FHIT: variants seen among roughly 807,000 people sequenced by gnomAD.
FHIT encodes the protein bis(5'-adenosyl)-triphosphatase.
A neutral mutation model predicts 17.9 loss-of-function variants in FHIT; 19 were observed. The ratio of observed to expected loss-of-function variants is 1.06; its 90% CI spans 0.74 to 1.56. The LOEUF (loss-of-function observed/expected upper bound fraction) is 1.56, where lower values mean the gene tolerates loss of function less well. Ranked by LOEUF, FHIT falls within the 40% of genes most tolerant of loss-of-function variation. The pLI is 0.00. For missense variants in FHIT, 248 were observed against 189.2 expected, an observed-to-expected ratio of 1.31 and a Z score of -1.82; for synonymous variants, 81 against 69.7, an observed-to-expected ratio of 1.16 and a Z score of -0.81.
chr3:60,014,140 C>A lies in FHIT; in HGVS notation c.116G>T (p.Cys39Phe), dbSNP rs757050854. ...KPVVPGHVLV[C>F]PLRPVERFHD... ...GAAGCGCTCCACTGGCCGCAGCGGG[C>A]ACACAAGGACATCTGTAGCAAGGTC... Residue 39 changes from cysteine to phenylalanine, a missense_variant, in exon 6 of 10, where the codon TGC (cysteine) becomes TTC (phenylalanine). Coordinates refer to ENST00000492590, the MANE Select transcript of FHIT (RefSeq NM_002012.4). 1 of 1,614,020 alleles carries A rather than the reference C, an allele frequency of 6.2e-7. No homozygotes were observed. Among genetic ancestry groups the A allele is most frequent in the African/African-American group, 1.3e-5 (1 of 75,046 alleles).
intron 5 of FHIT, among the ~76,000 whole-genome samples, chr3:60,081,796 A>G (rs984573761): frequency 2.6e-5 from 4 of 152,240 alleles, no homozygotes; most frequent in African/African-American, 9.6e-5. Context: ...AGTGCCAGGA[A>G]TAACAGCCAT....
At position 60,388,112 on chromosome 3, in the gene FHIT, C is replaced by T. The variant is rs1014468898; in HGVS notation, c.103+148748G>A. ...TTGTACAGCTTGCAGAACAATGAGC[C>T]GAATAAACCCCTTTCTTATAAATTA... On this transcript the variant is annotated intron_variant, in intron 5 of 9. Transcript: ENST00000492590. Among the ~76,000 whole-genome samples, 27 of 152,096 alleles carry T rather than the reference C, an allele frequency of 1.8e-4. 1 individual carries two copies. The highest frequency in any genetic ancestry group is 6.0e-4 in the African/African-American group (25 of 41,400).
intron 3 of FHIT, among the ~76,000 whole-genome samples, chr3:60,998,176 A>T (rs1239279797): frequency 6.6e-6 from 1 of 152,234 alleles, no homozygotes; most frequent in South Asian, 2.1e-4. Flanking sequence ...AACAACTGAC[A>T]TCACATGATG....
intron 5 of FHIT, among the ~76,000 whole-genome samples, chr3:60,157,044 C>T (rs1009427904): frequency 6.6e-6 from 1 of 151,856 alleles, no homozygotes; most frequent in Non-Finnish European, 1.5e-5. Context: ...TGGATTTATA[C>T]ATTTTTGATT....
chr3:60,240,789 G>C (rs761793709), intron 5 of FHIT, among the ~76,000 whole-genome samples: 4 of 152,086 alleles, frequency 2.6e-5, no homozygotes, highest in Non-Finnish European at 5.9e-5. Flanking sequence ...AATGCTGATG[G>C]CTTTGCAGTT....
At chr3:61,124,703 G>T (rs941627418) in intron 2 of FHIT, among the ~76,000 whole-genome samples, 1 of 152,140 alleles carries the variant, frequency 6.6e-6, no homozygotes, top group Non-Finnish European at 1.5e-5. Flanking sequence ...GGTTCATTGT[G>T]AGAGTTTAAG....
At chr3:61,215,036 C>A (rs1179380328) in intron 1 of FHIT, among the ~76,000 whole-genome samples, 1 of 151,436 alleles carries the variant, frequency 6.6e-6, no homozygotes, top group Non-Finnish European at 1.5e-5. Context: ...CTATGACAAA[C>A]CCACAGCCAA....
At chr3:60,483,117 A>G (rs1197456632) in intron 5 of FHIT, among the ~76,000 whole-genome samples, 1 of 152,190 alleles carries the variant, frequency 6.6e-6, no homozygotes, top group Non-Finnish European at 1.5e-5. Flanking sequence ...CCCCCTCCCA[A>G]GACTAAACCA....
chr3:60,092,998 C>G lies in FHIT; in HGVS notation c.104-78846G>C, dbSNP rs117851375. On this transcript the variant is annotated intron_variant, in intron 5 of 9. Coordinates refer to ENST00000492590, the MANE Select transcript of FHIT (RefSeq NM_002012.4). ...TGGAAGAAAAATTCCACTTCATGCT[C>G]AAACACCATGAACTTCGACAGGAAA... Among the ~76,000 whole-genome samples, 1,105 of 152,280 alleles carry G rather than the reference C, an allele frequency of 7.3e-3. 44 individuals carry two copies. The highest frequency in any genetic ancestry group is 0.065 in the Admixed American group (989 of 15,288).
chr3:60,206,571 G>T (rs1485829962), intron 5 of FHIT, among the ~76,000 whole-genome samples: 1 of 152,108 alleles, frequency 6.6e-6, no homozygotes, highest in East Asian at 1.9e-4. Context: ...GCTCTCTAAG[G>T]CATGAAAGAG....
intron 4 of FHIT, among the ~76,000 whole-genome samples, chr3:60,542,275 C>T (rs780095576): frequency 1.3e-5 from 2 of 152,144 alleles, no homozygotes; most frequent in Non-Finnish European, 1.5e-5. Flanking sequence ...CAACCTTTTA[C>T]CACAAGTTAC....
At chr3:61,180,185 T>C (rs951637930) in intron 2 of FHIT, among the ~76,000 whole-genome samples, 3 of 152,208 alleles carry the variant, frequency 2.0e-5, no homozygotes, top group African/African-American at 7.2e-5. Context: ...TTAATTCTTG[T>C]AATGAAAGTG....
At chr3:60,842,607 ATATATACATATATATATGAGTG>A (rs1363733435) in intron 3 of FHIT, among the ~76,000 whole-genome samples, 10 of 127,390 alleles carry the variant, frequency 7.8e-5, no homozygotes, top group African/African-American at 1.6e-4. Flanking sequence ...GAGTGTATAT[ATATATACATATATATATGAGTG>A]TATATATATA....
Position 60,131,001 on chromosome 3 carries a change from A to G in FHIT, c.104-116849T>C, listed in dbSNP as rs1016232105. Among the ~76,000 whole-genome samples, 2 of 95,298 alleles carry G rather than the reference A, an allele frequency of 2.1e-5. 1 individual carries two copies. 62.5% of individuals were successfully genotyped at this position (95,298 alleles called of 152,430 possible). Reference sequence around the variant, plus strand: ...TATATACACATATATACACATATATACATATGTGTATATATACACATATAT... The same window carrying G: ...TATATACACATATATACACATATATGCATATGTGTATATATACACATATAT... On this transcript the variant is annotated intron_variant, in intron 5 of 9. Transcript: ENST00000492590.
chr3:60,627,482 C>G (rs1210335518), intron 4 of FHIT, among the ~76,000 whole-genome samples: 2 of 152,004 alleles, frequency 1.3e-5, no homozygotes, highest in Non-Finnish European at 2.9e-5. Context: ...AATCCTTTTT[C>G]TTTCTGCAAG....
intron 5 of FHIT, among the ~76,000 whole-genome samples, chr3:60,450,529 G>T (rs1245120563): frequency 6.6e-6 from 1 of 152,152 alleles, no homozygotes; most frequent in East Asian, 1.9e-4. Flanking sequence ...TCCAGAGGAA[G>T]TGAGTTTGAG....
intron 4 of FHIT, among the ~76,000 whole-genome samples, chr3:60,706,531 A>C (rs1293260574): frequency 6.6e-6 from 1 of 152,220 alleles, no homozygotes; most frequent in African/African-American, 2.4e-5. Flanking sequence ...ATGAACACTT[A>C]ATTTATTATC....
At chr3:60,890,297 C>G (rs1157989008) in intron 3 of FHIT, among the ~76,000 whole-genome samples, 3 of 148,902 alleles carry the variant, frequency 2.0e-5, no homozygotes, top group Non-Finnish European at 4.4e-5. Flanking sequence ...AGACTGAGGT[C>G]ATGTGCACAG....
At chr3:60,920,200 T>TA (rs1277179062) in intron 3 of FHIT, among the ~76,000 whole-genome samples, 1 of 152,188 alleles carries the variant, frequency 6.6e-6, no homozygotes, top group African/African-American at 2.4e-5. Context: ...TAAATGTATG[T>TA]AAAGCACTTA....
Sources: gnomAD v4.1 joint callset for allele counts (sites outside exome capture counted in the v4.1 genomes callset) on GRCh38, gnomAD v4.1.1 for gene constraint, MANE v1.5 for transcripts, NCBI Gene and HGNC (gene_info 2026-07-23, HGNC 2026-07-21) for gene names.